The following GRM7 variants were observed in gnomAD, a reference collection of about 807,000 sequenced individuals.
GRM7 encodes the protein glutamate metabotropic receptor 7.
In GRM7, 35 loss-of-function variants were observed where a neutral mutation model predicts 84.5. The observed-to-expected ratio is 0.41, with a 90% confidence interval of 0.32 to 0.55. GRM7 has a LOEUF of 0.55. GRM7 is among the 20% of genes least tolerant of loss of function. The probability of loss-of-function intolerance (pLI) is 0.19; values close to 1 mark genes in which losing one functional copy is unlikely to be tolerated. For synonymous variants in GRM7, 487 were observed against 455.1 expected (o/e 1.07, Z -0.89); for missense variants, 1,003 against 1,194.6 (o/e 0.84, Z 2.36).
At chr3:7,509,160 C>T (rs1272056754) in intron 7 of GRM7, among the ~76,000 whole-genome samples, 1 of 151,958 alleles carries the variant, frequency 6.6e-6, no homozygotes, top group Admixed American at 6.6e-5. Flanking sequence ...TCTCAGTTAT[C>T]ATATCAACAA....
At chr3:7,464,132 G>A (rs368598558) in intron 7 of GRM7, among the ~76,000 whole-genome samples, 20 of 152,120 alleles carry the variant, frequency 1.3e-4, no homozygotes, top group Admixed American at 2.6e-4. Context: ...CTAGAGGTGC[G>A]GGAAGCCTCA....
At chr3:7,152,621 GC>G (rs1180974890) in intron 2 of GRM7, among the ~76,000 whole-genome samples, 1 of 152,162 alleles carries the variant, frequency 6.6e-6, no homozygotes, top group East Asian at 1.9e-4. Context: ...TGGACTACCA[GC>G]TAACTTCAAT....
intron 1 of GRM7, among the ~76,000 whole-genome samples, chr3:6,926,510 C>G (rs1293382931): frequency 6.6e-6 from 1 of 152,168 alleles, no homozygotes; most frequent in Non-Finnish European, 1.5e-5. Flanking sequence ...CCCTCCAAGA[C>G]CTGCACAACG....
At chr3:7,081,986 T>G (rs1250788419) in intron 1 of GRM7, among the ~76,000 whole-genome samples, 3 of 152,116 alleles carry the variant, frequency 2.0e-5, no homozygotes, top group Non-Finnish European at 4.4e-5. Flanking sequence ...ATCTTAAAAA[T>G]GCATTGCCAT....
chr3:7,576,627 T>C (rs770760870), intron 7 of GRM7, among the ~76,000 whole-genome samples: 1 of 152,204 alleles, frequency 6.6e-6, no homozygotes, highest in Non-Finnish European at 1.5e-5. Flanking sequence ...CTCTTAAAAT[T>C]ATGCACTTAA....
rs186313155 is a variant in GRM7, at chr3:7,707,966, C to T, written c.2698+27671C>T. Among the ~76,000 whole-genome samples, 451 of 147,126 alleles carry T rather than the reference C, an allele frequency of 3.1e-3. 7 individuals carry two copies. Among genetic ancestry groups the T allele is most frequent in the Middle Eastern group, 0.021 (6 of 290 alleles). ...TTTTTTTTTTTTTTACTTCCCATGCCCTATAAAGCAAGCCTTTTTTTAACT... is the reference window on the plus strand; with the variant it reads ...TTTTTTTTTTTTTTACTTCCCATGCTCTATAAAGCAAGCCTTTTTTTAACT... On this transcript the variant is annotated intron_variant, in intron 9 of 9. Coordinates refer to ENST00000357716, the MANE Select transcript of GRM7 (RefSeq NM_000844.4).
chr3:7,379,734 G>A (rs1472221835), intron 4 of GRM7, among the ~76,000 whole-genome samples: 1 of 151,978 alleles, frequency 6.6e-6, no homozygotes, highest in Non-Finnish European at 1.5e-5. Context: ...AACCACTTTT[G>A]GGAACATGTT....
At chr3:6,949,036 G>C (rs28826047) in intron 1 of GRM7, among the ~76,000 whole-genome samples, 2,433 of 150,886 alleles carry the variant, frequency 0.016, 55 homozygotes, top group African/African-American at 0.054. Flanking sequence ...CTTTTAATTG[G>C]AGCATTTAGC....
intron 8 of GRM7, among the ~76,000 whole-genome samples, chr3:7,644,120 T>TTGTTGTTG (rs55748562): frequency 6.4e-4 from 77 of 119,956 alleles, no homozygotes; most frequent in Non-Finnish European, 6.2e-4. Flanking sequence ...ACTGTGCATG[T>TTGTTGTTG]TGTGTGTGTG....
chr3:7,550,166 T>C (rs1693379022), intron 7 of GRM7, among the ~76,000 whole-genome samples: 1 of 151,990 alleles, frequency 6.6e-6, no homozygotes, highest in South Asian at 2.1e-4. Context: ...TTCCATTTTT[T>C]AAGAATTGGG....
intron 1 of GRM7, among the ~76,000 whole-genome samples, chr3:6,986,415 A>G (rs1390515861): frequency 6.6e-6 from 1 of 152,206 alleles, no homozygotes; most frequent in African/African-American, 2.4e-5. Flanking sequence ...AATAATGAAC[A>G]TTGAAAAACA....
At chr3:7,672,351 T>G (rs1453897495) in intron 8 of GRM7, among the ~76,000 whole-genome samples, 1 of 152,212 alleles carries the variant, frequency 6.6e-6, no homozygotes, top group African/African-American at 2.4e-5. Context: ...AATGTAATAA[T>G]GTGAATGTTT....
intron 1 of GRM7, chr3:6,956,463 C>A (rs2125075913): frequency 2.3e-6 from 1 of 438,774 alleles, no homozygotes; most frequent in African/African-American, 2.0e-5. Flanking sequence ...ACGCCGGCAC[C>A]ATGTTTTTCA....
intron 4 of GRM7, among the ~76,000 whole-genome samples, chr3:7,360,802 C>T (rs1693627838): frequency 6.6e-6 from 1 of 152,120 alleles, no homozygotes; most frequent in Non-Finnish European, 1.5e-5. Context: ...GCGTAGCATA[C>T]TGAGTTGAAC....
intron 9 of GRM7, among the ~76,000 whole-genome samples, chr3:7,693,195 T>C (rs1700874481): frequency 6.6e-6 from 1 of 152,206 alleles, no homozygotes; most frequent in Non-Finnish European, 1.5e-5. Flanking sequence ...GTTTAGCCAT[T>C]CAGAGTTCAA....
At chr3:7,599,216 G>T (rs1696194555) in intron 8 of GRM7, among the ~76,000 whole-genome samples, 1 of 152,068 alleles carries the variant, frequency 6.6e-6, no homozygotes, top group African/African-American at 2.4e-5. Context: ...TTTACATATT[G>T]ACGTTTCCAT....
Position 7,126,303 on chromosome 3 carries a change from A to G in GRM7, c.520-20149A>G, listed in dbSNP as rs1173599138. Among the ~76,000 whole-genome samples the G allele has an allele frequency of 2.6e-5, 4 of 152,210 alleles. No individual in the cohort carries two copies. The South Asian group carries it at 6.2e-4, about 24-fold the overall frequency. Reference sequence around the variant, plus strand: ...TTTTCTGAAAATGCCATCTATTACCATAACTCTGCACAGAAACACTGACTT... The same window carrying G: ...TTTTCTGAAAATGCCATCTATTACCGTAACTCTGCACAGAAACACTGACTT... On this transcript the variant is annotated intron_variant, in intron 1 of 9. Coordinates refer to ENST00000357716, the MANE Select transcript of GRM7 (RefSeq NM_000844.4).
At chr3:7,207,358 A>G (rs114481160) in intron 2 of GRM7, among the ~76,000 whole-genome samples, 196 of 152,304 alleles carry the variant, frequency 1.3e-3, no homozygotes, top group Admixed American at 3.4e-3. Context: ...ATGCCTCTCA[A>G]AAATGACTGA....
chr3:7,024,351 C>T (rs894313195), intron 1 of GRM7, among the ~76,000 whole-genome samples: 1 of 152,192 alleles, frequency 6.6e-6, no homozygotes, highest in Admixed American at 6.5e-5. Context: ...CAAACCCAGT[C>T]AAACCAACCA....
Sources: allele counts gnomAD v4.1 joint callset (sites outside exome capture counted in the v4.1 genomes callset), GRCh38; gene constraint gnomAD v4.1.1; transcripts MANE v1.5; gene names NCBI Gene and HGNC (gene_info 2026-07-23, HGNC 2026-07-21).